The following MLLT3 variants were observed in gnomAD, a reference collection of about 807,000 sequenced individuals.
MLLT3 encodes protein AF-9.
In MLLT3, 4 loss-of-function variants were observed where a neutral mutation model predicts 53.2. The observed-to-expected ratio is 0.08, with a 90% CI of 0.04 to 0.17. The LOEUF (loss-of-function observed/expected upper bound fraction) is 0.17, where lower values mean the gene tolerates loss of function less well. Ranked by LOEUF, MLLT3 falls within the 10% of genes least tolerant of loss-of-function variation. The pLI, the probability that MLLT3 is intolerant of heterozygous loss-of-function variation, is 1.00. For missense variants in MLLT3, 569 were observed against 684.0 expected, an observed-to-expected ratio of 0.83 and a Z score of 1.87; for synonymous variants, 283 against 230.6, an observed-to-expected ratio of 1.23 and a Z score of -2.06.
chr9:20,370,156 T>C (rs1821561467), intron 5 of MLLT3, among the ~76,000 whole-genome samples: 1 of 152,254 alleles, frequency 6.6e-6, no homozygotes, highest in Non-Finnish European at 1.5e-5. Flanking sequence ...CATCCTTTGC[T>C]TCATCATGCC....
chr9:20,495,614 G>T (rs896385793), intron 2 of MLLT3, among the ~76,000 whole-genome samples: 3 of 152,016 alleles, frequency 2.0e-5, no homozygotes, highest in Non-Finnish European at 4.4e-5. Context: ...TACACAACCG[G>T]AACTAGATTT....
intron 2 of MLLT3, among the ~76,000 whole-genome samples, chr9:20,572,362 T>A (rs1358278747): frequency 6.6e-6 from 1 of 152,218 alleles, no homozygotes; most frequent in Non-Finnish European, 1.5e-5. Context: ...ATATTAAATG[T>A]TCTTGCCATC....
chr9:20,590,412 G>A (rs1417183069), intron 2 of MLLT3, among the ~76,000 whole-genome samples: 6 of 152,190 alleles, frequency 3.9e-5, no homozygotes, highest in East Asian at 3.9e-4. Flanking sequence ...GGCCCCAGTC[G>A]GAGGTGATTA....
At chr9:20,494,211 C>T (rs1825020606) in intron 2 of MLLT3, among the ~76,000 whole-genome samples, 2 of 152,084 alleles carry the variant, frequency 1.3e-5, no homozygotes, top group Non-Finnish European at 2.9e-5. Context: ...ATTCTTTTAT[C>T]AGCCTGTGTC....
At chr9:20,611,784 C>CACTG (rs1274793266) in intron 2 of MLLT3, among the ~76,000 whole-genome samples, 1 of 152,092 alleles carries the variant, frequency 6.6e-6, no homozygotes, top group Non-Finnish European at 1.5e-5. Flanking sequence ...AGTCGTCAAC[C>CACTG]ACTGCAAACT....
At chr9:20,523,340 C>G (rs1030383685) in intron 2 of MLLT3, among the ~76,000 whole-genome samples, 9 of 152,166 alleles carry the variant, frequency 5.9e-5, no homozygotes, top group African/African-American at 2.2e-4. Flanking sequence ...CATACTCTTA[C>G]CATATAATCC....
In MLLT3 at chr9:20,409,706, G is replaced by A. The variant is rs144889896; in HGVS notation, c.1125+4015C>T. Among the ~76,000 whole-genome samples the A allele has an allele frequency of 1.9e-3, 285 of 152,234 alleles. 1 individual carries two copies. The highest frequency in any genetic ancestry group is 6.6e-3 in the African/African-American group (274 of 41,546). On this transcript the variant is annotated intron_variant, in intron 5 of 10. Coordinates refer to ENST00000380338, the MANE Select transcript of MLLT3 (RefSeq NM_004529.4). ...CTAAATGCTCACCCACTATAACACA[G>A]TCCTTCTGCCTGTCTACCTTATCCA...
In MLLT3 at chr9:20,342,738, C is replaced by T. The variant is rs1461060029; in HGVS notation, c.*3705G>A. Reference sequence around the variant, plus strand: ...GACTAAACTAAACCATGGGAATTGACTCCTTAACATTCACTGCAGCTGTAG... The same window carrying T: ...GACTAAACTAAACCATGGGAATTGATTCCTTAACATTCACTGCAGCTGTAG... On this transcript the variant is annotated 3_prime_UTR_variant, in exon 11 of 11. Coordinates refer to ENST00000380338, the MANE Select transcript of MLLT3 (RefSeq NM_004529.4). The T allele has an allele frequency of 5.0e-6, 1 of 200,566 alleles. No individual in the cohort carries two copies. Among genetic ancestry groups the T allele is most frequent in the Non-Finnish European group, 1.0e-5 (1 of 97,754 alleles). The allele number at this position is 200,566 out of a possible 1,614,324, so 12.4% of individuals were successfully genotyped here.
At chr9:20,485,896 T>C (rs983374023) in intron 2 of MLLT3, among the ~76,000 whole-genome samples, 7 of 152,202 alleles carry the variant, frequency 4.6e-5, no homozygotes, top group African/African-American at 1.7e-4. Flanking sequence ...ATCAGTATCA[T>C]TAATTATAAC....
At chr9:20,492,513 TATAAAC>T (rs1824974076) in intron 2 of MLLT3, among the ~76,000 whole-genome samples, 1 of 151,970 alleles carries the variant, frequency 6.6e-6, no homozygotes, top group Non-Finnish European at 1.5e-5. Flanking sequence ...AAAATATAGT[TATAAAC>T]ATAAAAATAA....
chr9:20,421,081 T>A (rs1434631845), intron 4 of MLLT3, among the ~76,000 whole-genome samples: 1 of 151,812 alleles, frequency 6.6e-6, no homozygotes, highest in African/African-American at 2.4e-5. Flanking sequence ...TTAGCCAACA[T>A]GGTGAAACCC....
intron 5 of MLLT3, among the ~76,000 whole-genome samples, chr9:20,368,206 T>C (rs111453688): frequency 2.0e-5 from 3 of 152,356 alleles, no homozygotes; most frequent in African/African-American, 7.2e-5. Context: ...GCTCTTCTAC[T>C]GTTGAGCCCC....
chr9:20,483,385 G>C (rs2118908577), intron 2 of MLLT3, among the ~76,000 whole-genome samples: 1 of 151,360 alleles, frequency 6.6e-6, no homozygotes, highest in Non-Finnish European at 1.5e-5. Context: ...CTACAGGCAT[G>C]CACCATTACA....
intron 2 of MLLT3, among the ~76,000 whole-genome samples, chr9:20,547,979 C>T (rs1038245285): frequency 6.6e-6 from 1 of 152,122 alleles, no homozygotes; most frequent in Admixed American, 6.5e-5. Context: ...AAAGTTGGTA[C>T]ATATTTTACA....
chr9:20,487,779 C>T (rs1307940333), intron 2 of MLLT3, among the ~76,000 whole-genome samples: 1 of 151,996 alleles, frequency 6.6e-6, no homozygotes, highest in Non-Finnish European at 1.5e-5. Flanking sequence ...GGATTATTTC[C>T]ATTGAATTCT....
At chr9:20,396,066 A>C (rs1822314391) in intron 5 of MLLT3, among the ~76,000 whole-genome samples, 1 of 152,172 alleles carries the variant, frequency 6.6e-6, no homozygotes, top group African/African-American at 2.4e-5. Context: ...TAACTAATAC[A>C]TACGAATACA....
chr9:20,577,691 G>T (rs916840332), intron 2 of MLLT3, among the ~76,000 whole-genome samples: 5 of 152,158 alleles, frequency 3.3e-5, no homozygotes, highest in African/African-American at 1.2e-4. Flanking sequence ...AGATTCGAAA[G>T]GTAGAAATAA....
chr9:20,556,862 G>C (rs558709455), intron 2 of MLLT3, among the ~76,000 whole-genome samples: 135 of 151,856 alleles, frequency 8.9e-4, no homozygotes, highest in African/African-American at 3.0e-3. Context: ...TTATGTAAAA[G>C]GCCTATTTTT....
chr9:20,577,256 C>G (rs1045388666), intron 2 of MLLT3, among the ~76,000 whole-genome samples: 1 of 151,986 alleles, frequency 6.6e-6, no homozygotes, highest in Non-Finnish European at 1.5e-5. Flanking sequence ...TTTTTAAGGC[C>G]CTGAATGTTC....
Sources: gnomAD v4.1 joint callset for allele counts (sites outside exome capture counted in the v4.1 genomes callset) on GRCh38, gnomAD v4.1.1 for gene constraint, MANE v1.5 for transcripts, NCBI Gene and HGNC (gene_info 2026-07-23, HGNC 2026-07-21) for gene names.